The following PTPN3 variants were observed in gnomAD, a reference collection of about 807,000 sequenced individuals.
PTPN3 encodes tyrosine-protein phosphatase non-receptor type 3.
PTPN3 carries 96 observed loss-of-function variants against 132.7 expected under a neutral mutation model. The observed-to-expected ratio is 0.72, with a 90% CI of 0.61 to 0.86. The LOEUF (loss-of-function observed/expected upper bound fraction) is 0.86, where lower values mean the gene tolerates loss of function less well. PTPN3 is among the 40% of genes least tolerant of loss of function. The pLI is 0.00. For synonymous variants in PTPN3, 398 were observed against 429.0 expected (o/e 0.93, Z 0.89); for missense variants, 1,125 against 1,159.6 (o/e 0.97, Z 0.43).
chr9:109,538,107 TAC>T, the PTPN3 span, among the ~76,000 whole-genome samples: 2 of 152,238 alleles, frequency 1.3e-5, no homozygotes, highest in South Asian at 4.1e-4. Context: ...AGAAAGGAAT[TAC>T]AGTTTTAGTA....
intron 1 of PTPN3, among the ~76,000 whole-genome samples, chr9:109,478,288 T>G (rs1846785532): frequency 6.6e-6 from 1 of 152,188 alleles, no homozygotes; most frequent in Non-Finnish European, 1.5e-5. Flanking sequence ...GTTGAACTTG[T>G]AATGTCTATG....
intron 22 of PTPN3, among the ~76,000 whole-genome samples, chr9:109,386,753 C>T (rs998703454): frequency 2.6e-5 from 4 of 152,136 alleles, no homozygotes; most frequent in African/African-American, 4.8e-5. Context: ...TGAGACTTTA[C>T]GTGGTGCACC....
the PTPN3 span, among the ~76,000 whole-genome samples, chr9:109,511,191 G>C: frequency 3.3e-5 from 5 of 152,216 alleles, no homozygotes; most frequent in South Asian, 8.3e-4. Flanking sequence ...CACCAGCTCT[G>C]CTTGCAATCC....
intron 4 of PTPN3, among the ~76,000 whole-genome samples, chr9:109,455,593 C>T (rs372433419): frequency 1.2e-4 from 19 of 152,348 alleles, no homozygotes; most frequent in African/African-American, 4.3e-4. Context: ...TAGGTACCAG[C>T]GGATGGCGCT....
rs1845945189 is a variant in PTPN3, at chr9:109,463,451, C to A, written c.-17G>T. On this transcript the variant is annotated splice_region_variant and 5_prime_UTR_variant, in exon 2 of 26. Transcript: ENST00000374541. The stretch of plus-strand genomic sequence containing the variant: ...GGAGGTCATAACTATCGCTGAATAA[C>A]CTGTAACATAAAATATACCTGTTAG... 1 of 1,602,288 alleles carries A rather than the reference C, an allele frequency of 6.2e-7. No homozygotes were observed. Among genetic ancestry groups the A allele is most frequent in the South Asian group, 1.1e-5 (1 of 88,438 alleles).
chr9:109,430,198 C>T (rs1588411866), intron 10 of PTPN3, among the ~76,000 whole-genome samples: 1 of 152,180 alleles, frequency 6.6e-6, no homozygotes, highest in Admixed American at 6.5e-5. Context: ...CCTCACGATT[C>T]TCCTGTGCCA....
chr9:109,523,631 G>A, the PTPN3 span, among the ~76,000 whole-genome samples: 1 of 152,282 alleles, frequency 6.6e-6, no homozygotes, highest in Non-Finnish European at 1.5e-5. Context: ...TTGTTGCTAT[G>A]TTGTGTGGCC....
intron 1 of PTPN3, among the ~76,000 whole-genome samples, chr9:109,496,780 G>A (rs1490861629): frequency 6.6e-6 from 1 of 152,150 alleles, no homozygotes; most frequent in Non-Finnish European, 1.5e-5. Flanking sequence ...TGGAACAACT[G>A]GGGAACAGGA....
chr9:109,393,486 A>C (rs1478554597), intron 19 of PTPN3, among the ~76,000 whole-genome samples: 1 of 149,194 alleles, frequency 6.7e-6, no homozygotes, highest in Non-Finnish European at 1.5e-5. Context: ...CCTGGGGTTC[A>C]AGCGATTCTC....
the PTPN3 span, among the ~76,000 whole-genome samples, chr9:109,504,321 A>G: frequency 6.6e-6 from 1 of 152,180 alleles, no homozygotes; most frequent in Non-Finnish European, 1.5e-5. Flanking sequence ...CCCAAGAAGG[A>G]CAGCCTTTCA....
In PTPN3 at chr9:109,463,314, G is replaced by C; in HGVS notation, c.121C>G (p.Gln41Glu). 3 of 1,612,850 alleles carry C rather than the reference G, an allele frequency of 1.9e-6. No individual in the cohort carries two copies. Among genetic ancestry groups the C allele is most frequent in the Non-Finnish European group, 2.5e-6 (3 of 1,179,618 alleles). Residue 41 changes from glutamine (Q) to glutamate (E), a missense_variant, in exon 2 of 26, where the codon CAG (glutamine) becomes GAG (glutamate). Coordinates refer to ENST00000374541, the MANE Select transcript of PTPN3 (RefSeq NM_002829.4). ...GAACTTACAGTAACTTTAAAGGTCT[G>C]TACCACGCCATCTAAAAAGTGGATG... Reference protein sequence around the residue: ...CSIHFLDGVVQTFKVTKQDTG... With the variant: ...CSIHFLDGVVETFKVTKQDTG...
chr9:109,505,772 C>T, the PTPN3 span, among the ~76,000 whole-genome samples: 1 of 149,610 alleles, frequency 6.7e-6, no homozygotes, highest in Admixed American at 6.7e-5. Context: ...TTTTTTGAGA[C>T]AGAATCTCGC....
the PTPN3 span, among the ~76,000 whole-genome samples, chr9:109,530,503 A>C: frequency 6.6e-6 from 1 of 152,132 alleles, no homozygotes; most frequent in South Asian, 2.1e-4. Flanking sequence ...TTTTTGGGGT[A>C]TTGTGAATGG....
intron 2 of PTPN3, among the ~76,000 whole-genome samples, chr9:109,462,245 G>A (rs1845879610): frequency 6.6e-6 from 1 of 152,188 alleles, no homozygotes; most frequent in South Asian, 2.1e-4. Context: ...AAGGCACTGG[G>A]CCACCGCCCC....
At chr9:109,446,901 A>C (rs1280329552) in intron 6 of PTPN3, among the ~76,000 whole-genome samples, 1 of 152,204 alleles carries the variant, frequency 6.6e-6, no homozygotes, top group Non-Finnish European at 1.5e-5. Flanking sequence ...TCTTGGAAAG[A>C]AGGAGATGAC....
intron 24 of PTPN3, 64 bp downstream of exon 24, chr9:109,382,238 T>C (rs1168020371): frequency 1.9e-6 from 3 of 1,557,104 alleles, no homozygotes; most frequent in African/African-American, 1.4e-5. Flanking sequence ...CGCCTGCCAA[T>C]TGTCTCCAGG....
chr9:109,481,121 A>G (rs1846939248), intron 1 of PTPN3, among the ~76,000 whole-genome samples: 1 of 152,180 alleles, frequency 6.6e-6, no homozygotes, highest in Admixed American at 6.5e-5. Context: ...ATTACCCAAG[A>G]TCTAACTCAC....
the PTPN3 span, among the ~76,000 whole-genome samples, chr9:109,535,362 C>T: frequency 6.6e-6 from 1 of 152,170 alleles, no homozygotes; most frequent in African/African-American, 2.4e-5. Context: ...AAAATATAGA[C>T]CTGATCCAGT....
At chr9:109,458,493 CT>C (rs148093522) in intron 2 of PTPN3, among the ~76,000 whole-genome samples, 1 of 152,134 alleles carries the variant, frequency 6.6e-6, no homozygotes, top group East Asian at 1.9e-4. Flanking sequence ...AAGGTAGCTC[CT>C]TTTTTTGAGT....
Sources: gnomAD v4.1 joint callset for allele counts (sites outside exome capture counted in the v4.1 genomes callset) on GRCh38, gnomAD v4.1.1 for gene constraint, MANE v1.5 for transcripts, NCBI Gene and HGNC (gene_info 2026-07-23, HGNC 2026-07-21) for gene names.